Variants in DCDC2 observed in about 807,000 individuals in gnomAD.
DCDC2 encodes doublecortin domain containing 2.
Under a neutral mutation model 50.2 loss-of-function variants are expected in DCDC2, and 40 were observed. That is an observed-to-expected ratio of 0.80 (90% CI 0.62 to 1.04). The LOEUF is 1.04. Ranked by LOEUF, DCDC2 falls within the 50% of genes least tolerant of loss-of-function variation. The pLI, the probability that DCDC2 is intolerant of heterozygous loss-of-function variation, is 0.00. For synonymous variants in DCDC2, 234 were observed against 210.6 expected (o/e 1.11, Z -0.96); for missense variants, 570 against 581.9 (o/e 0.98, Z 0.21).
At chr6:24,202,526 A>G (rs935341132) in intron 8 of DCDC2, among the ~76,000 whole-genome samples, 2 of 152,244 alleles carry the variant, frequency 1.3e-5, no homozygotes, top group Non-Finnish European at 2.9e-5. Context: ...AGCCAATATC[A>G]TACTGAATGG....
intron 7 of DCDC2, among the ~76,000 whole-genome samples, chr6:24,267,178 G>A (rs1278501525): frequency 6.6e-6 from 1 of 152,184 alleles, no homozygotes; most frequent in Non-Finnish European, 1.5e-5. Context: ...AGGGTGAGGA[G>A]TGGAGATGGT....
chr6:24,175,648 T>C (rs942907872), intron 9 of DCDC2, among the ~76,000 whole-genome samples: 5 of 152,208 alleles, frequency 3.3e-5, no homozygotes, highest in Non-Finnish European at 7.3e-5. Flanking sequence ...ATCTTGAATA[T>C]AGTACAAGTT....
In DCDC2 at chr6:24,172,145, A is replaced by T. The variant is rs1760792345; in HGVS notation, c.*2585T>A. On this transcript the variant is annotated 3_prime_UTR_variant, in exon 10 of 10. Coordinates refer to ENST00000378454, the MANE Select transcript of DCDC2 (RefSeq NM_016356.5). ...TTTGTGAGGTGAATGAACTTTCAGC[A>T]TTTATGTTAAAGTCATCTCTGAAGT... 1 of 152,214 alleles carries T rather than the reference A, an allele frequency of 6.6e-6. No individual in the cohort carries two copies. The highest frequency in any genetic ancestry group is 1.5e-5 in the Non-Finnish European group (1 of 68,036). The allele number at this position is 152,214 out of a possible 1,614,324, so 9.4% of individuals were successfully genotyped here. A position where few individuals can be genotyped will look rare whatever the true frequency, so the allele number is the denominator to read the frequency against.
chr6:24,192,644 C>T lies in DCDC2; in HGVS notation c.1023+12358G>A, dbSNP rs1761338815. Among the ~76,000 whole-genome samples, 9 of 151,856 alleles carry T rather than the reference C, an allele frequency of 5.9e-5. No individual in the cohort carries two copies. In the South Asian group the frequency reaches 1.9e-3, roughly 32 times the overall value. On this transcript the variant is annotated intron_variant, in intron 8 of 9. Transcript: ENST00000378454. The stretch of plus-strand genomic sequence containing the variant: ...GGAACATTCAGAGAATGTGAAAGAG[C>T]TCTTAGATGTTAAAAATAAAATGAC...
At chr6:24,258,362 T>G (rs1762938585) in intron 7 of DCDC2, among the ~76,000 whole-genome samples, 1 of 152,152 alleles carries the variant, frequency 6.6e-6, no homozygotes, top group African/African-American at 2.4e-5. Context: ...TTGGTCCACT[T>G]TACAAACATC....
chr6:24,198,479 G>A (rs1334742937), intron 8 of DCDC2, among the ~76,000 whole-genome samples: 6 of 152,184 alleles, frequency 3.9e-5, no homozygotes, highest in African/African-American at 7.2e-5. Context: ...CAGCCCGGAT[G>A]CTACATTTTC....
chr6:24,198,178 G>T (rs1221885697), intron 8 of DCDC2, among the ~76,000 whole-genome samples: 2 of 152,164 alleles, frequency 1.3e-5, no homozygotes, highest in African/African-American at 4.8e-5. Context: ...CTAAAGGCAA[G>T]AATATACTGG....
At chr6:24,308,441 A>G (rs1402628253) in intron 2 of DCDC2, among the ~76,000 whole-genome samples, 1 of 152,198 alleles carries the variant, frequency 6.6e-6, no homozygotes, top group African/African-American at 2.4e-5. Context: ...GCCCAATAGA[A>G]GAAGGGGACA....
intron 8 of DCDC2, among the ~76,000 whole-genome samples, chr6:24,185,962 G>C (rs73391954): frequency 0.022 from 3,275 of 152,242 alleles, 109 homozygotes; most frequent in African/African-American, 0.074. Context: ...CTGGGAACTT[G>C]TAGTCCATTA....
chr6:24,254,709 C>T (rs934835750), intron 7 of DCDC2, among the ~76,000 whole-genome samples: 5 of 152,036 alleles, frequency 3.3e-5, no homozygotes, highest in Non-Finnish European at 5.9e-5. Flanking sequence ...CATCACGTAA[C>T]AAAAACTCCA....
At chr6:24,236,827 T>C (rs931848538) in intron 7 of DCDC2, among the ~76,000 whole-genome samples, 1 of 151,962 alleles carries the variant, frequency 6.6e-6, no homozygotes, top group Non-Finnish European at 1.5e-5. Context: ...CTGCCCAATA[T>C]GGTAAAACCC....
At chr6:24,196,780 T>G (rs1212032334) in intron 8 of DCDC2, among the ~76,000 whole-genome samples, 1 of 152,154 alleles carries the variant, frequency 6.6e-6, no homozygotes, top group Non-Finnish European at 1.5e-5. Flanking sequence ...GAAATAAAAA[T>G]CCTTAGTCCA....
At chr6:24,343,529 C>T (rs1284404135) in intron 2 of DCDC2, among the ~76,000 whole-genome samples, 1 of 152,146 alleles carries the variant, frequency 6.6e-6, no homozygotes. Flanking sequence ...CCAGAAAACT[C>T]AATAAGCTCA....
intron 7 of DCDC2, among the ~76,000 whole-genome samples, chr6:24,264,886 C>T (rs1017761448): frequency 2.0e-5 from 3 of 150,696 alleles, no homozygotes; most frequent in Non-Finnish European, 4.4e-5. Context: ...CACACTTCAC[C>T]TATAAAGACA....
chr6:24,205,381 C>T (rs1761697783), intron 7 of DCDC2: 29 of 1,433,482 alleles, frequency 2.0e-5, no homozygotes, highest in Non-Finnish European at 2.7e-5. Context: ...ACTAACATAG[C>T]CCTTTGTACA....
intron 8 of DCDC2, among the ~76,000 whole-genome samples, chr6:24,181,293 C>A (rs887185407): frequency 6.6e-6 from 1 of 152,098 alleles, no homozygotes; most frequent in Non-Finnish European, 1.5e-5. Flanking sequence ...ATGTATGTGA[C>A]CTAAATGACT....
intron 2 of DCDC2, among the ~76,000 whole-genome samples, chr6:24,327,971 A>T (rs1055366700): frequency 6.6e-6 from 1 of 152,198 alleles, no homozygotes; most frequent in Non-Finnish European, 1.5e-5. Flanking sequence ...GATGGCAGAG[A>T]TGGCAAGCAC....
At chr6:24,305,386 C>T (rs1759452174) in intron 2 of DCDC2, among the ~76,000 whole-genome samples, 1 of 152,076 alleles carries the variant, frequency 6.6e-6, no homozygotes, top group Admixed American at 6.6e-5. Flanking sequence ...TTTTCAGATA[C>T]ACTAAAAATC....
chr6:24,220,738 AAAG>A (rs1762079882), intron 7 of DCDC2, among the ~76,000 whole-genome samples: 2 of 152,332 alleles, frequency 1.3e-5, no homozygotes, highest in South Asian at 2.1e-4. Flanking sequence ...GGTAATTTAT[AAAG>A]AAGAAAAGAG....
Sources: gnomAD v4.1 joint callset for allele counts (sites outside exome capture counted in the v4.1 genomes callset) on GRCh38, gnomAD v4.1.1 for gene constraint, MANE v1.5 for transcripts, NCBI Gene and HGNC (gene_info 2026-07-23, HGNC 2026-07-21) for gene names.